The following DNAI7 variants were observed in gnomAD, a reference collection of about 807,000 sequenced individuals.
DNAI7 encodes the protein dynein axonemal intermediate chain 7.
DNAI7 carries 78 observed loss-of-function variants against 86.6 expected under a neutral mutation model. The ratio of observed to expected loss-of-function variants is 0.90; its 90% CI spans 0.75 to 1.09. DNAI7 has a LOEUF of 1.09. Among genes scored for constraint, DNAI7 ranks in the 50% least tolerant of loss-of-function variants. The pLI, the probability that DNAI7 is intolerant of heterozygous loss-of-function variation, is 0.00. For missense variants in DNAI7, 753 were observed against 810.2 expected (o/e 0.93, Z 0.86); for synonymous variants, 274 against 273.0 (o/e 1.00, Z -0.04).
chr12:25,189,920 T>A (rs1423239716), intron 2 of DNAI7, among the ~76,000 whole-genome samples: 1 of 151,510 alleles, frequency 6.6e-6, no homozygotes, highest in Admixed American at 6.6e-5. Flanking sequence ...CCCAATGTTA[T>A]CAGGTTTCCA....
rs757125491 is a variant in DNAI7, at chr12:25,114,777, G to A, written c.1490C>T (p.Thr497Ile). The A allele has an allele frequency of 3.5e-5, 57 of 1,613,856 alleles. No homozygotes were observed. Among genetic ancestry groups the A allele is most frequent in the Non-Finnish European group, 4.6e-5 (54 of 1,179,926 alleles). ...GTTAATATGAGCATCTTGAATCAAG[G>A]TAACAGGGCCAAAGGTGTCCAGGCT... is the stretch of plus-strand genomic sequence containing the variant. ...TFSLDTFGPV[T>I]LIQDAHINMP... The change falls in exon 13 of 16, where the codon ACC becomes ATC. Residue 497 changes from threonine (T) to isoleucine (I), a missense_variant. Coordinates refer to ENST00000395987, the MANE Select transcript of DNAI7 (RefSeq NM_018272.5).
intron 5 of DNAI7, among the ~76,000 whole-genome samples, chr12:25,154,839 G>C (rs1350019985): frequency 6.6e-6 from 1 of 152,116 alleles, no homozygotes; most frequent in Non-Finnish European, 1.5e-5. Flanking sequence ...CATTTTAGTA[G>C]AAGGCCTTCC....
At chr12:25,185,629 T>G (rs1253901197) in intron 2 of DNAI7, 3 of 224,450 alleles carry the variant, frequency 1.3e-5, no homozygotes, top group African/African-American at 2.3e-5. Flanking sequence ...ATAAGCCAGA[T>G]GTAAATTGAT....
chr12:25,155,089 TGAGTCA>T (rs772049293), intron 5 of DNAI7, among the ~76,000 whole-genome samples: 67 of 152,352 alleles, frequency 4.4e-4, no homozygotes, highest in Non-Finnish European at 6.9e-4. Context: ...TCCCAGCAAT[TGAGTCA>T]GAGTCAAAGA....
chr12:25,156,244 C>T (rs1391579789), intron 4 of DNAI7, among the ~76,000 whole-genome samples: 5 of 152,084 alleles, frequency 3.3e-5, no homozygotes, highest in East Asian at 1.9e-4. Context: ...TGCTGCATAT[C>T]GAATGACAAT....
chr12:25,194,881 C>A, intron 1 of DNAI7, 195 bp downstream of exon 1: 1 of 1,613,946 alleles, frequency 6.2e-7, no homozygotes, highest in South Asian at 1.1e-5. Context: ...GTTTGGGACT[C>A]CTACCTGTCC....
intron 9 of DNAI7, among the ~76,000 whole-genome samples, chr12:25,142,495 T>TAAA (rs140708153): frequency 2.1e-5 from 3 of 144,432 alleles, no homozygotes; most frequent in African/African-American, 7.6e-5. Flanking sequence ...CCTTTTGAAA[T>TAAA]AAAAAAAAAA....
Position 25,177,865 on chromosome 12 carries a change from A to T in DNAI7, c.21+12749T>A, listed in dbSNP as rs183429330. On this transcript the variant is annotated intron_variant, in intron 2 of 15. Transcript: ENST00000395987. ...TAAAAAATACAGACATCTTTATCAG[A>T]CTAAGAAAGTGCGCTGTAACCTATC... Among the ~76,000 whole-genome samples, 10 of 152,336 alleles carry T rather than the reference A, an allele frequency of 6.6e-5. No homozygotes were observed. In the East Asian group the frequency reaches 1.9e-3, roughly 29 times the overall value.
chr12:25,123,308 T>C (rs1292090289), intron 9 of DNAI7, 22 bp from the exon 10 acceptor site: 2 of 1,521,302 alleles, frequency 1.3e-6, no homozygotes, highest in Non-Finnish European at 1.8e-6. Flanking sequence ...CACAGACATA[T>C]GGGTGTGATT....
In DNAI7 at chr12:25,121,916, A is replaced by G; in HGVS notation, c.1079-3T>C. The G allele has an allele frequency of 6.4e-7, 1 of 1,567,000 alleles. No homozygotes were observed. ...ATTCTCTACCAGCAACAACTGTGCT[A>G]AAATTAATCAGATTAACAGTTTTCA... On this transcript the variant is annotated splice_polypyrimidine_tract_variant and splice_region_variant and intron_variant, in intron 10 of 15. Transcript: ENST00000395987.
At position 25,118,971 on chromosome 12, in the gene DNAI7, A is replaced by G. The variant is rs114479449; in HGVS notation, c.1396+174T>C. ...GAGTTAATAGTTACAACACTCAGCA[A>G]ATTTTAAACTCCAACACTTATTCAT... On this transcript the variant is annotated intron_variant, in intron 12 of 15. Transcript: ENST00000395987. Among the ~76,000 whole-genome samples the G allele has an allele frequency of 1.7e-3, 262 of 152,358 alleles. 1 individual carries two copies. The highest frequency in any genetic ancestry group is 5.9e-3 in the African/African-American group (245 of 41,584).
At chr12:25,178,424 T>C (rs1949174804) in intron 2 of DNAI7, among the ~76,000 whole-genome samples, 1 of 152,164 alleles carries the variant, frequency 6.6e-6, no homozygotes, top group African/African-American at 2.4e-5. Flanking sequence ...TAAAGTCATG[T>C]CTCCCTTTTC....
At chr12:25,131,615 C>T (rs908453664) in intron 9 of DNAI7, among the ~76,000 whole-genome samples, 3 of 152,024 alleles carry the variant, frequency 2.0e-5, no homozygotes, top group African/African-American at 4.8e-5. Context: ...TTGCAGAATC[C>T]GTAAAGGTAG....
intron 2 of DNAI7, among the ~76,000 whole-genome samples, chr12:25,169,834 C>A (rs1419350427): frequency 3.1e-5 from 4 of 127,114 alleles, no homozygotes; most frequent in Non-Finnish European, 4.8e-5. Flanking sequence ...GGTGACAGAG[C>A]AAGACTCTGT....
At position 25,189,871 on chromosome 12, in the gene DNAI7, T is replaced by C. The variant is rs374179143; in HGVS notation, c.21+743A>G. Among the ~76,000 whole-genome samples, 48 of 152,238 alleles carry C rather than the reference T, an allele frequency of 3.2e-4. 2 individuals carry two copies. In the East Asian group the frequency reaches 9.1e-3, roughly 29 times the overall value. Reference sequence around the variant, plus strand: ...GCATTCCTAAAAGGGGTAGCTGTTATTCAGCCCAGCCAATTGTTGCCTTAC... The same window carrying C: ...GCATTCCTAAAAGGGGTAGCTGTTACTCAGCCCAGCCAATTGTTGCCTTAC... On this transcript the variant is annotated intron_variant, in intron 2 of 15. Transcript: ENST00000395987.
chr12:25,119,122 T>C, intron 12 of DNAI7, 23 bp downstream of exon 12: 1 of 1,564,190 alleles, frequency 6.4e-7, no homozygotes. Flanking sequence ...CCTCCTTTTA[T>C]TACATAATTA....
At chr12:25,193,940 G>A (rs1950778296) in intron 1 of DNAI7, among the ~76,000 whole-genome samples, 1 of 151,968 alleles carries the variant, frequency 6.6e-6, no homozygotes, top group Non-Finnish European at 1.5e-5. Flanking sequence ...TCTTGCTTCA[G>A]CCCCCTGAGT....
At chr12:25,180,422 G>A (rs1949389694) in intron 2 of DNAI7, among the ~76,000 whole-genome samples, 1 of 151,942 alleles carries the variant, frequency 6.6e-6, no homozygotes, top group Non-Finnish European at 1.5e-5. Context: ...ATTTTTCACA[G>A]AACTAGAAAA....
chr12:25,108,321 T>C lies in DNAI7; in HGVS notation c.*227A>G. 1 of 538,916 alleles carries C rather than the reference T, an allele frequency of 1.9e-6. No homozygotes were observed. The highest frequency in any genetic ancestry group is 3.2e-6 in the Non-Finnish European group (1 of 316,100). The allele number at this position is 538,916 out of a possible 1,614,324, so 33.4% of individuals were successfully genotyped here. A position where few individuals can be genotyped will look rare whatever the true frequency, so the allele number is the denominator to read the frequency against. On this transcript the variant is annotated 3_prime_UTR_variant, in exon 16 of 16. Coordinates refer to ENST00000395987, the MANE Select transcript of DNAI7 (RefSeq NM_018272.5). ...TGTTAAAGTTTATTGAAATAAAGAA[T>C]CATTTAAATCTTCATAGAGTGAAAG...
Sources: gnomAD v4.1 joint callset for allele counts (sites outside exome capture counted in the v4.1 genomes callset) on GRCh38, gnomAD v4.1.1 for gene constraint, MANE v1.5 for transcripts, NCBI Gene and HGNC (gene_info 2026-07-23, HGNC 2026-07-21) for gene names.